ERC1: variants seen among roughly 807,000 people sequenced by gnomAD.
ERC1 encodes ELKS/RAB6-interacting/CAST family member 1, also known as RAB6 interacting protein 2.
In ERC1, 56 loss-of-function variants were observed where a neutral mutation model predicts 132.0. The observed-to-expected ratio is 0.42, with a 90% CI of 0.34 to 0.53. The LOEUF is 0.53. ERC1 is among the 20% of genes least tolerant of loss of function. The probability of loss-of-function intolerance (pLI) is 0.03; values close to 1 mark genes in which losing one functional copy is unlikely to be tolerated. For synonymous variants in ERC1, 478 were observed against 476.1 expected (o/e 1.00, Z -0.05); for missense variants, 1,202 against 1,349.9 (o/e 0.89, Z 1.72).
At chr12:1,355,438 T>A (rs2085431161) in intron 15 of ERC1, among the ~76,000 whole-genome samples, 1 of 152,210 alleles carries the variant, frequency 6.6e-6, no homozygotes, top group Admixed American at 6.5e-5. Context: ...TATAGCCCCC[T>A]ATTAAAGATA....
intron 15 of ERC1, among the ~76,000 whole-genome samples, chr12:1,310,296 G>A (rs530411940): frequency 1.3e-5 from 2 of 151,906 alleles, no homozygotes; most frequent in African/African-American, 4.8e-5. Flanking sequence ...GGACGATCTC[G>A]GCTCACTGCA....
intron 18 of ERC1, among the ~76,000 whole-genome samples, chr12:1,489,372 C>G (rs1004851396): frequency 7.2e-5 from 11 of 152,200 alleles, no homozygotes; most frequent in Non-Finnish European, 1.5e-5. Flanking sequence ...AGCACATGCT[C>G]AAGCCTCAGC....
chr12:1,082,915 A>G (rs566656952), intron 2 of ERC1, among the ~76,000 whole-genome samples: 5 of 152,314 alleles, frequency 3.3e-5, no homozygotes, highest in African/African-American at 1.2e-4. Flanking sequence ...TCTTTATTGT[A>G]GTTTATGCAA....
At chr12:1,331,343 A>G (rs185162089) in intron 15 of ERC1, among the ~76,000 whole-genome samples, 1 of 152,264 alleles carries the variant, frequency 6.6e-6, no homozygotes, top group East Asian at 1.9e-4. Flanking sequence ...AGTTCTTTCA[A>G]TCTTATCCCA....
At chr12:1,427,926 T>G (rs531135375) in intron 17 of ERC1, among the ~76,000 whole-genome samples, 48 of 152,356 alleles carry the variant, frequency 3.2e-4, no homozygotes, top group African/African-American at 1.1e-3. Flanking sequence ...ACTTAATGTA[T>G]TTTAAGACAT....
intron 14 of ERC1, among the ~76,000 whole-genome samples, chr12:1,272,177 A>G (rs2077907058): frequency 6.6e-6 from 1 of 152,226 alleles, no homozygotes; most frequent in South Asian, 2.1e-4. Context: ...CATCTGCCAC[A>G]TTAAAGAGAT....
chr12:1,268,798 A>T (rs75263010), intron 14 of ERC1, among the ~76,000 whole-genome samples: 1 of 152,146 alleles, frequency 6.6e-6, no homozygotes, highest in Admixed American at 6.5e-5. Context: ...AGGCAAAGAA[A>T]TGGAAGATGT....
At chr12:1,284,265 C>CATGT in intron 14 of ERC1, among the ~76,000 whole-genome samples, 1 of 140,192 alleles carries the variant, frequency 7.1e-6, no homozygotes, top group East Asian at 2.1e-4. Context: ...GAATAGTATT[C>CATGT]GTGTGTGTGT....
At chr12:1,395,533 G>T (rs2154384739) in intron 16 of ERC1, among the ~76,000 whole-genome samples, 1 of 152,100 alleles carries the variant, frequency 6.6e-6, no homozygotes, top group Middle Eastern at 3.4e-3. Context: ...CACAGCATAT[G>T]GGAAAGTGCT....
intron 12 of ERC1, among the ~76,000 whole-genome samples, chr12:1,234,092 C>T (rs1361368221): frequency 6.6e-6 from 1 of 152,038 alleles, no homozygotes; most frequent in East Asian, 1.9e-4. Flanking sequence ...AAAATATATA[C>T]ACATTTTTTA....
chr12:1,456,603 T>C (rs1382271072), intron 18 of ERC1, among the ~76,000 whole-genome samples: 1 of 152,112 alleles, frequency 6.6e-6, no homozygotes, highest in Non-Finnish European at 1.5e-5. Context: ...AATTTTCTTA[T>C]CTAGTTCATG....
intron 15 of ERC1, among the ~76,000 whole-genome samples, chr12:1,365,922 A>G (rs1301042238): frequency 6.6e-6 from 1 of 152,208 alleles, no homozygotes; most frequent in Non-Finnish European, 1.5e-5. Context: ...TGCTACATGG[A>G]TGAACCTTGA....
Position 1,256,734 on chromosome 12 carries a change from T to C in ERC1, c.2488-6300T>C, listed in dbSNP as rs558029142. Among the ~76,000 whole-genome samples the C allele has an allele frequency of 7.9e-5, 12 of 151,054 alleles. 1 individual carries two copies. The highest frequency in any genetic ancestry group is 4.3e-4 in the South Asian group (2 of 4,688). On this transcript the variant is annotated intron_variant, in intron 13 of 18. Transcript: ENST00000360905. ...CTTGCTGGTTTCACATTCAGTGAAA[T>C]GCTGAGCCATATCTCAATTCTGTAG...
chr12:1,048,158 G>A (rs1023118923), intron 2 of ERC1, among the ~76,000 whole-genome samples: 1 of 152,178 alleles, frequency 6.6e-6, no homozygotes, highest in Admixed American at 6.5e-5. Context: ...CATTTGTTTG[G>A]TTTCTGTTTG....
intron 16 of ERC1, among the ~76,000 whole-genome samples, chr12:1,396,958 C>CT (rs2090595450): frequency 6.6e-6 from 1 of 152,086 alleles, no homozygotes; most frequent in African/African-American, 2.4e-5. Context: ...GGGAAGGAGC[C>CT]CAGAGTCAGC....
intron 3 of ERC1, among the ~76,000 whole-genome samples, chr12:1,091,188 C>T (rs1056965617): frequency 2.0e-5 from 3 of 152,032 alleles, no homozygotes; most frequent in Non-Finnish European, 2.9e-5. Context: ...TGCACCCAGC[C>T]CCATTTTTAT....
chr12:1,078,243 T>C (rs1386330222), intron 2 of ERC1, among the ~76,000 whole-genome samples: 1 of 152,150 alleles, frequency 6.6e-6, no homozygotes, highest in African/African-American at 2.4e-5. Flanking sequence ...TATTTCCCTT[T>C]GGGATATATT....
intron 15 of ERC1, among the ~76,000 whole-genome samples, chr12:1,308,593 TTTG>T (rs1368325126): frequency 4.6e-5 from 7 of 152,206 alleles, no homozygotes; most frequent in African/African-American, 1.4e-4. Context: ...TTCCTAACAG[TTTG>T]TTGTGTTCCA....
intron 2 of ERC1, among the ~76,000 whole-genome samples, chr12:1,030,600 C>T (rs904372448): frequency 5.3e-5 from 8 of 152,020 alleles, no homozygotes; most frequent in East Asian, 1.9e-4. Flanking sequence ...TTGTGATGGA[C>T]GCCTGTACTA....
Sources: gnomAD v4.1 joint callset for allele counts (sites outside exome capture counted in the v4.1 genomes callset) on GRCh38, gnomAD v4.1.1 for gene constraint, MANE v1.5 for transcripts, NCBI Gene and HGNC (gene_info 2026-07-23, HGNC 2026-07-21) for gene names.